The following VDAC1 variants were observed in gnomAD, a reference collection of about 807,000 sequenced individuals.
The protein encoded by VDAC1 is voltage dependent anion channel 1.
A neutral mutation model predicts 34.7 loss-of-function variants in VDAC1; 10 were observed. The ratio of observed to expected loss-of-function variants is 0.29; its 90% CI spans 0.18 to 0.49. The LOEUF is 0.49. Among genes scored for constraint, VDAC1 ranks in the 20% least tolerant of loss-of-function variants. The pLI is 0.99. For missense variants in VDAC1, 230 were observed against 347.9 expected (o/e 0.66, Z 2.69); for synonymous variants, 130 against 136.0 (o/e 0.96, Z 0.30).
upstream of VDAC1, among the ~76,000 whole-genome samples, chr5:134,008,150 A>G (rs1232371310): frequency 1.5e-5 from 1 of 67,420 alleles, no homozygotes; most frequent in African/African-American, 5.6e-5. Context: ...CTGGCCTCCC[A>G]CCGCCCCCGA....
At chr5:134,071,848 G>A in the VDAC1 span, among the ~76,000 whole-genome samples, 1 of 152,124 alleles carries the variant, frequency 6.6e-6, no homozygotes, top group Admixed American at 6.5e-5. This position sits in a 1 kb window ranked among gnomAD's most constrained non-coding sequence, Gnocchi z 4.1. Context: ...CTGACATAAT[G>A]GTCACAGATC....
chr5:134,016,667 G>C, the VDAC1 span, among the ~76,000 whole-genome samples: 1 of 152,086 alleles, frequency 6.6e-6, no homozygotes, highest in Non-Finnish European at 1.5e-5. Flanking sequence ...TTAAAATGTG[G>C]ACAAATGCAA....
At chr5:134,036,819 G>A in the VDAC1 span, among the ~76,000 whole-genome samples, 2 of 151,892 alleles carry the variant, frequency 1.3e-5, no homozygotes, top group Non-Finnish European at 1.5e-5. Flanking sequence ...CAGGCATGAT[G>A]GCGAGCACCT....
chr5:134,039,441 G>T, the VDAC1 span, among the ~76,000 whole-genome samples: 4 of 152,194 alleles, frequency 2.6e-5, no homozygotes, highest in Middle Eastern at 0.01. Flanking sequence ...CCATTCTCCC[G>T]CCTCAGCCTT....
the VDAC1 span, among the ~76,000 whole-genome samples, chr5:134,048,875 C>G: frequency 6.6e-6 from 1 of 152,158 alleles, no homozygotes; most frequent in Non-Finnish European, 1.5e-5. Context: ...TAGAGCAGTA[C>G]TTGGCACAAA....
chr5:134,019,344 A>G, the VDAC1 span, among the ~76,000 whole-genome samples: 1 of 152,266 alleles, frequency 6.6e-6, no homozygotes, highest in South Asian at 2.1e-4. Flanking sequence ...TTGGGAGTCT[A>G]AGGGAGGCGG....
the VDAC1 span, among the ~76,000 whole-genome samples, chr5:134,107,062 C>G: frequency 1.3e-5 from 2 of 152,238 alleles, no homozygotes; most frequent in African/African-American, 4.8e-5. Flanking sequence ...CAGACTCTTA[C>G]AGAGACCACC....
At chr5:134,035,942 G>A in the VDAC1 span, among the ~76,000 whole-genome samples, 14 of 149,914 alleles carry the variant, frequency 9.3e-5, no homozygotes, top group Non-Finnish European at 1.6e-4. Flanking sequence ...GGCGGCAGAG[G>A]TTGCAATGAG....
chr5:134,039,531 G>A, the VDAC1 span, among the ~76,000 whole-genome samples: 660 of 151,838 alleles, frequency 4.3e-3, 2 homozygotes, highest in African/African-American at 0.011. Context: ...GGGTTTCACC[G>A]TGTTAGCCAG....
intron 1 of VDAC1, among the ~76,000 whole-genome samples, chr5:133,994,520 C>T (rs919495413): frequency 2.6e-5 from 4 of 152,254 alleles, no homozygotes; most frequent in African/African-American, 7.2e-5. Flanking sequence ...TTACACTGCC[C>T]GCCACTGGCT....
intron 1 of VDAC1, among the ~76,000 whole-genome samples, chr5:133,995,457 G>C (rs968222784): frequency 6.6e-6 from 1 of 152,116 alleles, no homozygotes; most frequent in African/African-American, 2.4e-5. Flanking sequence ...GGGCCCCCAA[G>C]TAAGCATTCT....
At chr5:134,026,206 T>G in the VDAC1 span, among the ~76,000 whole-genome samples, 1 of 152,104 alleles carries the variant, frequency 6.6e-6, no homozygotes, top group Non-Finnish European at 1.5e-5. Flanking sequence ...TGGCCCAACT[T>G]TTTTTAAACA....
intron 6 of VDAC1, among the ~76,000 whole-genome samples, chr5:133,978,383 C>T (rs1342568806): frequency 1.3e-5 from 2 of 152,096 alleles, no homozygotes; most frequent in African/African-American, 2.4e-5. Context: ...GTGATCCTCC[C>T]GCCTCAGCCT....
chr5:134,006,608 T>G (rs1419217922), upstream of VDAC1, among the ~76,000 whole-genome samples: 3 of 151,550 alleles, frequency 2.0e-5, no homozygotes, highest in Non-Finnish European at 2.9e-5. Flanking sequence ...ACGGGCGTGG[T>G]GGCGCGCGCC....
chr5:134,062,313 G>A, the VDAC1 span, among the ~76,000 whole-genome samples: 23 of 151,736 alleles, frequency 1.5e-4, 1 homozygote, highest in South Asian at 6.2e-4. Flanking sequence ...GGAGTGATAC[G>A]GAATTTTTAT....
the VDAC1 span, among the ~76,000 whole-genome samples, chr5:134,092,412 G>A: frequency 9.8e-5 from 15 of 152,306 alleles, no homozygotes; most frequent in Non-Finnish European, 1.8e-4. Context: ...GGAGGTGTGT[G>A]GAAGAGCTCC....
intron 1 of VDAC1, among the ~76,000 whole-genome samples, chr5:133,994,647 C>G (rs182754035): frequency 6.6e-6 from 1 of 152,282 alleles, no homozygotes; most frequent in East Asian, 1.9e-4. Flanking sequence ...AAGAAATACC[C>G]TTTACCTGAC....
the VDAC1 span, among the ~76,000 whole-genome samples, chr5:134,087,327 C>A: frequency 6.6e-6 from 1 of 151,926 alleles, no homozygotes; most frequent in Admixed American, 6.6e-5. Flanking sequence ...GAAAGTTTCT[C>A]ACCTGAAAGG....
chr5:134,020,865 C>G, the VDAC1 span, among the ~76,000 whole-genome samples: 1 of 151,996 alleles, frequency 6.6e-6, no homozygotes, highest in Non-Finnish European at 1.5e-5. Flanking sequence ...CTTTACAAAG[C>G]CTTCTGGGGA....
Sources: allele counts gnomAD v4.1 joint callset (sites outside exome capture counted in the v4.1 genomes callset), GRCh38; gene constraint gnomAD v4.1.1; non-coding constraint Gnocchi (gnomAD v3.1); transcripts MANE v1.5; gene names NCBI Gene and HGNC (gene_info 2026-07-23, HGNC 2026-07-21).